MROH9: variants seen among roughly 807,000 people sequenced by gnomAD.
MROH9 encodes maestro heat-like repeat-containing protein family member 9.
Under a neutral mutation model 98.2 loss-of-function variants are expected in MROH9, and 92 were observed. The observed-to-expected ratio is 0.94, with a 90% CI of 0.79 to 1.11. The LOEUF is 1.11. MROH9 is among the 50% of genes most tolerant of loss of function. The pLI, the probability that MROH9 is intolerant of heterozygous loss-of-function variation, is 0.00. For synonymous variants in MROH9, 397 were observed against 368.9 expected (o/e 1.08, Z -0.87); for missense variants, 1,057 against 1,014.8 (o/e 1.04, Z -0.57).
chr1:170,975,052 TG>T (rs1276988289), intron 8 of MROH9, among the ~76,000 whole-genome samples: 1 of 151,622 alleles, frequency 6.6e-6, no homozygotes, highest in Non-Finnish European at 1.5e-5. Context: ...TAATTTAAAA[TG>T]AGGCAAAAAA....
chr1:171,044,972 C>CTTTTTTTTTTTTTTTTT lies in MROH9; in HGVS notation c.2282-17129_2282-17113dup, dbSNP rs754332732. ...CAATTCCATTTATTTCTGCTCTGAT[C>CTTTTTTTTTTTTTTTTT]TTTTTTTTTTTTTTTTTTTTTTTTT... On this transcript the variant is annotated intron_variant, in intron 20 of 21. Transcript: ENST00000367759. Among the ~76,000 whole-genome samples, 112 of 45,708 alleles carry CTTTTTTTTTTTTTTTTT rather than the reference C, an allele frequency of 2.5e-3. 32 individuals carry two copies. Among genetic ancestry groups the CTTTTTTTTTTTTTTTTT allele is most frequent in the Admixed American group, 3.5e-3 (11 of 3,156 alleles). 30.0% of individuals were successfully genotyped at this position (45,708 alleles called of 152,430 possible).
intron 20 of MROH9, among the ~76,000 whole-genome samples, chr1:171,040,966 G>A (rs1653277004): frequency 6.6e-6 from 1 of 151,998 alleles, no homozygotes; most frequent in Non-Finnish European, 1.5e-5. Flanking sequence ...ATCTCTGTCA[G>A]TTATAAAGCT....
intron 20 of MROH9, among the ~76,000 whole-genome samples, chr1:171,045,851 T>C (rs1352343864): frequency 3.3e-5 from 5 of 152,174 alleles, no homozygotes; most frequent in Non-Finnish European, 7.4e-5. Flanking sequence ...TCTTTGTTGA[T>C]TTTCTGTCTA....
intron 15 of MROH9, among the ~76,000 whole-genome samples, chr1:171,000,435 GT>G (rs1454253220): frequency 6.6e-6 from 1 of 151,992 alleles, no homozygotes; most frequent in Non-Finnish European, 1.5e-5. Flanking sequence ...TTTGCTGAGG[GT>G]TTTAATCATA....
At chr1:171,056,704 C>A (rs747932352) in intron 20 of MROH9, among the ~76,000 whole-genome samples, 22 of 152,314 alleles carry the variant, frequency 1.4e-4, no homozygotes, top group Non-Finnish European at 2.2e-4. Flanking sequence ...AGAAACCCTA[C>A]ACAGGAGCGA....
At chr1:171,024,603 T>C in intron 18 of MROH9, 46 bp from the exon 19 acceptor site, 1 of 1,532,258 alleles carries the variant, frequency 6.5e-7, no homozygotes, top group Non-Finnish European at 8.8e-7. Context: ...ATGTTTTATC[T>C]AACAACAGAT....
At chr1:171,001,686 T>G (rs1651786299) in intron 15 of MROH9, among the ~76,000 whole-genome samples, 1 of 151,976 alleles carries the variant, frequency 6.6e-6, no homozygotes, top group African/African-American at 2.4e-5. Flanking sequence ...TTGGAAAAAG[T>G]TCCGCTGTTG....
At position 171,017,298 on chromosome 1, in the gene MROH9, G is replaced by A. The variant is rs76397339; in HGVS notation, c.1908+962G>A. 1.5e-3 allele frequency among the ~76,000 whole-genome samples: 228 copies of A among 152,332 alleles called. 1 individual carries two copies. Among genetic ancestry groups the A allele is most frequent in the South Asian group, 8.3e-3 (40 of 4,824 alleles). On this transcript the variant is annotated intron_variant, in intron 17 of 21. Coordinates refer to ENST00000367759, the MANE Select transcript of MROH9 (RefSeq NM_001163629.2). ...GGCAGCGGGCATGACCCATGGAGAG[G>A]AAGGCAGAGCAGTGTGGTGTGGAGG... is the stretch of plus-strand genomic sequence containing the variant.
intron 1 of MROH9, among the ~76,000 whole-genome samples, chr1:170,936,469 G>C (rs1648884962): frequency 6.6e-6 from 1 of 152,142 alleles, no homozygotes; most frequent in South Asian, 2.1e-4. Context: ...CCACATTAGG[G>C]AGTGTCATCT....
At chr1:170,994,165 A>G (rs1480285435) in intron 12 of MROH9, among the ~76,000 whole-genome samples, 1 of 152,178 alleles carries the variant, frequency 6.6e-6, no homozygotes, top group African/African-American at 2.4e-5. Flanking sequence ...GATAAAATGT[A>G]TTGAGATCTC....
At chr1:171,014,373 C>A in intron 16 of MROH9, 119 bp downstream of exon 16, 1 of 862,670 alleles carries the variant, frequency 1.2e-6, no homozygotes, top group South Asian at 2.5e-5. Context: ...ATAACTAAAA[C>A]ATATCAAAGC....
intron 17 of MROH9, among the ~76,000 whole-genome samples, chr1:171,021,181 C>T (rs909534827): frequency 8.5e-5 from 13 of 152,180 alleles, no homozygotes; most frequent in Admixed American, 4.6e-4. Context: ...AATGGCCATA[C>T]TGCCCAAGTA....
chr1:170,971,603 G>C, intron 7 of MROH9, 145 bp from the exon 8 acceptor site: 1 of 906,056 alleles, frequency 1.1e-6, no homozygotes, highest in Non-Finnish European at 1.7e-6. Context: ...AGTCAGTAAC[G>C]GGGCCAGGAT....
intron 17 of MROH9, among the ~76,000 whole-genome samples, chr1:171,021,369 G>T (rs560676878): frequency 6.6e-6 from 1 of 152,138 alleles, no homozygotes; most frequent in Non-Finnish European, 1.5e-5. Context: ...ATACTACAAG[G>T]CTACAGTATC....
chr1:171,056,931 C>CA (rs1267404508), intron 20 of MROH9, among the ~76,000 whole-genome samples: 1 of 152,168 alleles, frequency 6.6e-6, no homozygotes. Flanking sequence ...GCACCAACAA[C>CA]AAAAAAGTCC....
intron 20 of MROH9, among the ~76,000 whole-genome samples, chr1:171,036,918 A>C (rs1653117701): frequency 6.6e-6 from 1 of 151,860 alleles, no homozygotes; most frequent in South Asian, 2.1e-4. Context: ...ATTTTCTGGA[A>C]AACAGTAAGA....
intron 2 of MROH9, among the ~76,000 whole-genome samples, chr1:170,946,158 C>A (rs1259869776): frequency 1.3e-5 from 2 of 151,730 alleles, no homozygotes; most frequent in African/African-American, 2.4e-5. Context: ...TATTTGAATT[C>A]AGGAAAAGAA....
chr1:171,026,377 C>T (rs1053551553), intron 20 of MROH9, among the ~76,000 whole-genome samples: 30 of 151,810 alleles, frequency 2.0e-4, no homozygotes, highest in Admixed American at 9.8e-4. Context: ...CAGGTTCAAG[C>T]GACTCTCCTG....
chr1:170,939,048 A>G (rs560808096), intron 1 of MROH9, among the ~76,000 whole-genome samples: 1 of 152,372 alleles, frequency 6.6e-6, no homozygotes, highest in African/African-American at 2.4e-5. Context: ...AGAATGGGTC[A>G]TCCTATCTGC....
Sources: gnomAD v4.1 joint callset for allele counts (sites outside exome capture counted in the v4.1 genomes callset) on GRCh38, gnomAD v4.1.1 for gene constraint, MANE v1.5 for transcripts, NCBI Gene and HGNC (gene_info 2026-07-23, HGNC 2026-07-21) for gene names.